Variants in AGAP1 observed in about 807,000 individuals in gnomAD.
AGAP1 encodes arf-GAP with GTPase, ANK repeat and PH domain-containing protein 1.
A neutral mutation model predicts 105.3 loss-of-function variants in AGAP1; 29 were observed. The ratio of observed to expected loss-of-function variants is 0.28; its 90% CI spans 0.21 to 0.38. The LOEUF is 0.38. Ranked by LOEUF, AGAP1 falls within the 10% of genes least tolerant of loss-of-function variation. The probability of loss-of-function intolerance (pLI) is 1.00; values close to 1 mark genes in which losing one functional copy is unlikely to be tolerated. For missense variants in AGAP1, 998 were observed against 1,165.1 expected (o/e 0.86, Z 2.09); for synonymous variants, 509 against 485.9 (o/e 1.05, Z -0.63).
Position 236,123,422 on chromosome 2 carries a change from A to T in AGAP1, c.2371-497A>T, listed in dbSNP as rs1326812362. Among the ~76,000 whole-genome samples, 1 of 152,210 alleles carries T rather than the reference A, an allele frequency of 6.6e-6. No individual in the cohort carries two copies. Among genetic ancestry groups the T allele is most frequent in the Non-Finnish European group, 1.5e-5 (1 of 68,036 alleles). ...ATAAAAAATGAAAAAAATACAAATT[A>T]TTTGTACAGTCTTATCTCAATTATG... is the stretch of plus-strand genomic sequence containing the variant. On this transcript the variant is annotated intron_variant, in intron 17 of 17. Transcript: ENST00000304032. This position sits in a 1 kb window ranked among gnomAD's most constrained non-coding sequence, Gnocchi z 4.6.
At position 235,701,223 on chromosome 2, in the gene AGAP1, C is replaced by T. The variant is rs2149478391; in HGVS notation, c.164-7956C>T. Reference sequence around the variant, plus strand: ...TATCCTCTAAGAAGTTACAAACCTGCAAATCCTCTAGAGCCCATTTGGGCC... The same window carrying T: ...TATCCTCTAAGAAGTTACAAACCTGTAAATCCTCTAGAGCCCATTTGGGCC... On this transcript the variant is annotated intron_variant, in intron 1 of 17. Transcript: ENST00000304032. This position sits in a 1 kb window ranked among gnomAD's most constrained non-coding sequence, Gnocchi z 4.1. 6.6e-6 allele frequency among the ~76,000 whole-genome samples: 1 copy of T among 151,908 alleles called. No individual in the cohort carries two copies. The highest frequency in any genetic ancestry group is 1.9e-4 in the East Asian group (1 of 5,190).
intron 15 of AGAP1, among the ~76,000 whole-genome samples, chr2:236,048,470 G>A (rs1352972767): frequency 6.6e-6 from 1 of 152,248 alleles, no homozygotes; most frequent in Non-Finnish European, 1.5e-5. Context: ...CTGCAGTGCA[G>A]TTGCTTCAGT....
chr2:235,773,918 A>G (rs971637890), intron 6 of AGAP1: 4 of 461,978 alleles, frequency 8.7e-6, no homozygotes, highest in Non-Finnish European at 1.8e-5. Context: ...GAGATATTTT[A>G]CGTTTGAAGA....
rs933704238 is a variant in AGAP1, at chr2:235,615,118, G to T, written c.164-94061G>T. ...AGTACGCCTGACTCCTCCGCGCAGG[G>T]AATGAGCAGCCTCTGCTCCTTCATT... On this transcript the variant is annotated intron_variant, in intron 1 of 17. Coordinates refer to ENST00000304032, the MANE Select transcript of AGAP1 (RefSeq NM_001037131.3). The surrounding 1 kb of genome is among the most constrained non-coding windows in gnomAD (Gnocchi z 5.0). 1.4e-4 allele frequency among the ~76,000 whole-genome samples: 22 copies of T among 152,196 alleles called. No individual in the cohort carries two copies. The highest frequency in any genetic ancestry group is 5.3e-4 in the African/African-American group (22 of 41,454).
chr2:235,681,371 A>G lies in AGAP1; in HGVS notation c.164-27808A>G, dbSNP rs187089372. ...CGCGCCTCCCGAGGAGGAAGCATGC[A>G]CTAGAGCGTGACTACAAACCTGGTG... On this transcript the variant is annotated intron_variant, in intron 1 of 17. Coordinates refer to ENST00000304032, the MANE Select transcript of AGAP1 (RefSeq NM_001037131.3). 5.9e-5 allele frequency among the ~76,000 whole-genome samples: 9 copies of G among 152,258 alleles called. No homozygotes were observed. The East Asian group carries it at 1.5e-3, about 26-fold the overall frequency.
intron 2 of AGAP1, among the ~76,000 whole-genome samples, chr2:235,710,016 T>A (rs559782490): frequency 1.3e-5 from 2 of 152,358 alleles, no homozygotes; most frequent in African/African-American, 4.8e-5. Flanking sequence ...TGTATGTATG[T>A]ATATATGTCT....
chr2:235,496,843 C>T (rs1296960091), intron 1 of AGAP1, among the ~76,000 whole-genome samples: 2 of 151,274 alleles, frequency 1.3e-5, no homozygotes, highest in Non-Finnish European at 2.9e-5. Context: ...GATTTTAGGC[C>T]CCTTCTTGGC....
intron 11 of AGAP1, among the ~76,000 whole-genome samples, chr2:235,922,811 CAT>C (rs1559650228): frequency 6.6e-6 from 1 of 152,168 alleles, no homozygotes; most frequent in African/African-American, 2.4e-5. Flanking sequence ...ATATAAATGC[CAT>C]ATTCACTTTG....
intron 6 of AGAP1, among the ~76,000 whole-genome samples, chr2:235,758,145 C>CGT (rs146464161): frequency 3.2e-4 from 49 of 151,808 alleles, no homozygotes; most frequent in African/African-American, 1.1e-3. Context: ...TGCATGCGTG[C>CGT]ATGTGTGTGT....
intron 13 of AGAP1, among the ~76,000 whole-genome samples, chr2:236,013,325 C>T (rs966456664): frequency 6.6e-6 from 1 of 152,208 alleles, no homozygotes; most frequent in African/African-American, 2.4e-5. Context: ...GGCGCCTAGT[C>T]ATCACCCTGG....
intron 9 of AGAP1, among the ~76,000 whole-genome samples, chr2:235,807,613 G>A (rs1252105066): frequency 6.6e-6 from 1 of 152,234 alleles, no homozygotes; most frequent in Non-Finnish European, 1.5e-5. Context: ...TGCCTTTGTA[G>A]CACGGCTTTG....
At chr2:236,043,728 A>AG (rs2057629045) in intron 15 of AGAP1, among the ~76,000 whole-genome samples, 1 of 149,534 alleles carries the variant, frequency 6.7e-6, no homozygotes, top group Non-Finnish European at 1.5e-5. Flanking sequence ...CTCAAGGGAA[A>AG]AAAAAAAAGT....
rs1189769447 is a variant in AGAP1, at chr2:235,714,296, G to A, written c.223-3261G>A. ...CTCCCAAAGTGCTGGGATTACAGGC[G>A]TGAGCCACCATGCCCAGCCAGGGGT... On this transcript the variant is annotated intron_variant, in intron 2 of 17. Coordinates refer to ENST00000304032, the MANE Select transcript of AGAP1 (RefSeq NM_001037131.3). This position sits in a 1 kb window ranked among gnomAD's most constrained non-coding sequence, Gnocchi z 4.1. Among the ~76,000 whole-genome samples the A allele has an allele frequency of 6.6e-6, 1 of 152,050 alleles. No homozygotes were observed. The highest frequency in any genetic ancestry group is 2.1e-4 in the South Asian group (1 of 4,824).
intron 16 of AGAP1, among the ~76,000 whole-genome samples, chr2:236,074,620 A>T (rs2058589550): frequency 6.6e-6 from 1 of 152,214 alleles, no homozygotes; most frequent in African/African-American, 2.4e-5. Flanking sequence ...ATGTGTAAAA[A>T]TGTTACGAAA....
At chr2:236,017,028 C>T (rs971530110) in intron 13 of AGAP1, among the ~76,000 whole-genome samples, 1 of 152,004 alleles carries the variant, frequency 6.6e-6, no homozygotes, top group East Asian at 1.9e-4. Flanking sequence ...GTGGCTCATA[C>T]CTGTAATCCC....
chr2:235,548,162 G>A (rs1943688618), intron 1 of AGAP1, among the ~76,000 whole-genome samples: 1 of 152,226 alleles, frequency 6.6e-6, no homozygotes, highest in Admixed American at 6.5e-5. Context: ...AGAGAGCTAA[G>A]TCAAGCACTC....
At chr2:235,850,286 C>G (rs1184965647) in intron 9 of AGAP1, among the ~76,000 whole-genome samples, 2 of 152,248 alleles carry the variant, frequency 1.3e-5, no homozygotes, top group Non-Finnish European at 2.9e-5. Context: ...TCTGTTATAT[C>G]TAAATGCAAT....
rs528211756 is a variant in AGAP1 at position 235,962,769 on chromosome 2, G to T, written c.1484-5693G>T. Among the ~76,000 whole-genome samples, 1 of 152,244 alleles carries T rather than the reference G, an allele frequency of 6.6e-6. No individual in the cohort carries two copies. The highest frequency in any genetic ancestry group is 2.1e-4 in the South Asian group (1 of 4,816). The stretch of plus-strand genomic sequence containing the variant: ...AGAAGCTCTGGTTGAAATTCCATGG[G>T]GTTTCTCGCTATTGATATTTTAGGT... On this transcript the variant is annotated intron_variant, in intron 12 of 17. Transcript: ENST00000304032. The surrounding 1 kb of genome is among the most constrained non-coding windows in gnomAD (Gnocchi z 5.3).
chr2:235,872,051 T>G lies in AGAP1; in HGVS notation c.1051-11294T>G, dbSNP rs976337461. ...AATCGTCGTGGATATCAGTTGTGAT[T>G]GCAGTTGATGAAATATGCAGTTGTG... On this transcript the variant is annotated intron_variant, in intron 9 of 17. Coordinates refer to ENST00000304032, the MANE Select transcript of AGAP1 (RefSeq NM_001037131.3). The surrounding 1 kb of genome is among the most constrained non-coding windows in gnomAD (Gnocchi z 4.5). 1.3e-5 allele frequency among the ~76,000 whole-genome samples: 2 copies of G among 152,186 alleles called. No homozygotes were observed. Among genetic ancestry groups the G allele is most frequent in the Non-Finnish European group, 2.9e-5 (2 of 68,046 alleles).
Sources: gnomAD v4.1 joint callset for allele counts (sites outside exome capture counted in the v4.1 genomes callset) on GRCh38, gnomAD v4.1.1 for gene constraint, Gnocchi (gnomAD v3.1) non-coding constraint, MANE v1.5 for transcripts, NCBI Gene and HGNC (gene_info 2026-07-23, HGNC 2026-07-21) for gene names.